GPT2: variants seen among roughly 807,000 people sequenced by gnomAD.
GPT2 encodes the protein glutamic--pyruvic transaminase 2, also known as alanine aminotransferase 2.
In GPT2, 30 loss-of-function variants were observed where a neutral mutation model predicts 56.9. The ratio of observed to expected loss-of-function variants is 0.53; its 90% confidence interval spans 0.39 to 0.72. The LOEUF (loss-of-function observed/expected upper bound fraction) is 0.72. Among genes scored for constraint, GPT2 ranks in the 30% least tolerant of loss-of-function variants. The pLI, the probability that GPT2 is intolerant of heterozygous loss-of-function variation, is 0.00. For missense variants in GPT2, 542 were observed against 703.4 expected, an observed-to-expected ratio of 0.77 and a Z score of 2.60; for synonymous variants, 271 against 283.1, an observed-to-expected ratio of 0.96 and a Z score of 0.43.
Position 46,928,886 on chromosome 16 carries a change from C to G in GPT2, c.1482-21C>G, listed in dbSNP as rs759992700. The G allele has an allele frequency of 9.5e-6, 15 of 1,585,070 alleles. No individual in the cohort carries two copies. In the African/African-American group the frequency reaches 1.3e-4, roughly 14 times the overall value. ...CCATCTTGCAGAGCAGCCAGGCTGA[C>G]ACTGTTGTCTCTCCTGCCAGGATGA... On this transcript the variant is annotated intron_variant, in intron 11 of 11. Transcript: ENST00000340124.
intron 2 of GPT2, among the ~76,000 whole-genome samples, chr16:46,891,914 C>T (rs1439025475): frequency 6.6e-6 from 1 of 151,754 alleles, no homozygotes; most frequent in Non-Finnish European, 1.5e-5. Context: ...CCCCACCCAC[C>T]CCTACTGCCC....
chr16:46,918,602 C>T lies in GPT2; in HGVS notation c.901-19C>T. 6.2e-7 allele frequency: 1 copy of T among 1,613,360 alleles called. No homozygotes were observed. The highest frequency in any genetic ancestry group is 1.3e-5 in the African/African-American group (1 of 75,042). On this transcript the variant is annotated intron_variant, in intron 7 of 11. Coordinates refer to ENST00000340124, the MANE Select transcript of GPT2 (RefSeq NM_133443.4). ...TCTTTGAGGACCCTTTGGTGACCGT[C>T]CCTGCCGTGCCCCCGCAGGTGTACC...
intron 2 of GPT2, chr16:46,885,189 C>G: frequency 7.9e-7 from 1 of 1,269,992 alleles, no homozygotes; most frequent in Non-Finnish European, 9.9e-7. Context: ...TTGAATTCGT[C>G]AATTGTTGAG....
At chr16:46,924,689 G>A (rs1163711735) in intron 10 of GPT2, 145 bp downstream of exon 10, 8 of 819,520 alleles carry the variant, frequency 9.8e-6, no homozygotes, top group South Asian at 3.3e-5. Context: ...GGTGTTGACC[G>A]TGTAAAGATG....
intron 2 of GPT2, 81 bp from the exon 3 acceptor site, chr16:46,897,567 C>T: frequency 7.7e-7 from 1 of 1,295,230 alleles, no homozygotes; most frequent in Non-Finnish European, 1.1e-6. Flanking sequence ...TTATTAATAT[C>T]CTGCGGGAAC....
intron 4 of GPT2, among the ~76,000 whole-genome samples, chr16:46,902,742 C>T (rs577840685): frequency 1.6e-4 from 24 of 152,260 alleles, no homozygotes; most frequent in African/African-American, 5.8e-4. Flanking sequence ...TCTTCTGCCT[C>T]AGCCTCCTGA....
At chr16:46,888,498 C>T (rs1421278976) in intron 2 of GPT2, among the ~76,000 whole-genome samples, 2 of 152,158 alleles carry the variant, frequency 1.3e-5, no homozygotes, top group African/African-American at 2.4e-5. Flanking sequence ...AGGTGCCCGC[C>T]GCCACACCCA....
intron 3 of GPT2, among the ~76,000 whole-genome samples, chr16:46,898,350 A>G (rs1960725209): frequency 6.6e-6 from 1 of 152,084 alleles, no homozygotes; most frequent in African/African-American, 2.4e-5. Flanking sequence ...AGGCTCCAGG[A>G]GAAGGCGGCT....
intron 7 of GPT2, among the ~76,000 whole-genome samples, chr16:46,917,685 GACAC>G (rs57655706): frequency 2.6e-5 from 4 of 151,692 alleles, no homozygotes; most frequent in African/African-American, 7.3e-5. Context: ...CATAAATGCA[GACAC>G]ACACACACGC....
chr16:46,916,399 C>T (rs1482096592), intron 6 of GPT2: 3 of 483,850 alleles, frequency 6.2e-6, no homozygotes, highest in Non-Finnish European at 1.1e-5. Context: ...CCTTCTCCCT[C>T]GCATAACTGG....
Position 46,926,963 on chromosome 16 carries a change from G to T in GPT2, c.1407G>T (p.Lys469Asn). Residue 469 changes from lysine (K) to asparagine (N), a missense_variant, in exon 11 of 12, where the codon AAG becomes AAT. Transcript: ENST00000340124. The part of the protein sequence containing the change: ...QMAPDMFYCM[K>N]LLEETGICVV... ...CTCCAGACATGTTCTACTGCATGAA[G>T]CTCCTGGAGGAGACTGGCATCTGTG... The T allele has an allele frequency of 1.2e-6, 2 of 1,606,834 alleles. No individual in the cohort carries two copies. The highest frequency in any genetic ancestry group is 1.7e-6 in the Non-Finnish European group (2 of 1,176,916).
chr16:46,904,774 G>A (rs1419756236), intron 4 of GPT2, among the ~76,000 whole-genome samples: 1 of 152,152 alleles, frequency 6.6e-6, no homozygotes, highest in Non-Finnish European at 1.5e-5. Context: ...GTCCTAGAAG[G>A]TCTCTCTTAC....
chr16:46,884,595 A>T, intron 1 of GPT2, 99 bp from the exon 2 acceptor site: 1 of 1,226,050 alleles, frequency 8.2e-7, no homozygotes, highest in Non-Finnish European at 1.0e-6. Context: ...CCAGGCTGGC[A>T]CCGCTCGCTG....
chr16:46,924,330 G>A, intron 9 of GPT2, 59 bp from the exon 10 acceptor site: 2 of 1,575,664 alleles, frequency 1.3e-6, no homozygotes, highest in Non-Finnish European at 1.7e-6. Flanking sequence ...AAGATCAGTG[G>A]CTGGAGTGAA....
chr16:46,920,653 G>C (rs566537272), intron 8 of GPT2, among the ~76,000 whole-genome samples: 1 of 152,206 alleles, frequency 6.6e-6, no homozygotes, highest in Non-Finnish European at 1.5e-5. Flanking sequence ...GAATACTTCC[G>C]CCAGGTCAAG....
intron 2 of GPT2, among the ~76,000 whole-genome samples, chr16:46,891,155 G>A (rs1015403717): frequency 1.3e-5 from 2 of 152,200 alleles, no homozygotes; most frequent in African/African-American, 4.8e-5. Context: ...TTACAGGCAT[G>A]AGCCACTGTG....
intron 2 of GPT2, chr16:46,885,339 G>A: frequency 1.2e-6 from 1 of 823,608 alleles, no homozygotes; most frequent in Non-Finnish European, 1.5e-6. Context: ...AAAGTAAAAC[G>A]GAAGAGGGTT....
chr16:46,886,587 A>G (rs1465564882), intron 2 of GPT2, among the ~76,000 whole-genome samples: 3 of 152,152 alleles, frequency 2.0e-5, no homozygotes, highest in African/African-American at 7.2e-5. Flanking sequence ...GCTGTGAGCA[A>G]CCGCAGGAAG....
chr16:46,901,954 C>A (rs1222630314), intron 4 of GPT2, among the ~76,000 whole-genome samples: 3 of 152,262 alleles, frequency 2.0e-5, no homozygotes, highest in Non-Finnish European at 4.4e-5. Flanking sequence ...GCTCCTTTCC[C>A]CCCTGCACCC....
Sources: allele counts gnomAD v4.1 joint callset (sites outside exome capture counted in the v4.1 genomes callset), GRCh38; gene constraint gnomAD v4.1.1; transcripts MANE v1.5; gene names NCBI Gene and HGNC (gene_info 2026-07-23, HGNC 2026-07-21).